Variants in CREB5 observed in about 807,000 individuals in gnomAD.
The protein encoded by CREB5 is cAMP responsive element binding protein 5, also known as cyclic AMP-responsive element-binding protein 5.
Under a neutral mutation model 57.1 loss-of-function variants are expected in CREB5, and 19 were observed. The observed-to-expected ratio is 0.33, with a 90% CI of 0.23 to 0.49. The LOEUF is 0.49. CREB5 is among the 20% of genes least tolerant of loss of function. CREB5 has a pLI of 0.99. For missense variants in CREB5, 579 were observed against 671.6 expected, an observed-to-expected ratio of 0.86 and a Z score of 1.52; for synonymous variants, 238 against 238.3, an observed-to-expected ratio of 1.00 and a Z score of 0.01.
chr7:28,769,105 G>A (rs1806172188), intron 7 of CREB5, among the ~76,000 whole-genome samples: 1 of 152,248 alleles, frequency 6.6e-6, no homozygotes, highest in African/African-American at 2.4e-5. Flanking sequence ...CAGGCAAAGA[G>A]TTGGGAAGAT....
At chr7:28,392,557 T>C (rs867104295) in intron 1 of CREB5, among the ~76,000 whole-genome samples, 1 of 152,238 alleles carries the variant, frequency 6.6e-6, no homozygotes, top group African/African-American at 2.4e-5. Context: ...TTACATGTTA[T>C]GGGTTTTGCA....
Position 28,815,981 on chromosome 7 carries a change from C to T in CREB5, c.1255-2090C>T, listed in dbSNP as rs1412509358. Among the ~76,000 whole-genome samples the T allele has an allele frequency of 1.5e-4, 22 of 151,684 alleles. 1 individual carries two copies. Among genetic ancestry groups the T allele is most frequent in the Non-Finnish European group, 1.2e-4 (8 of 67,952 alleles). The stretch of plus-strand genomic sequence containing the variant: ...CAGGGGGCAAGGTGTCTAGCAGTTT[C>T]GATTTCAGAAAAGTGTTATTTCTGT... On this transcript the variant is annotated intron_variant, in intron 9 of 10. Coordinates refer to ENST00000357727, the MANE Select transcript of CREB5 (RefSeq NM_182898.4).
chr7:28,785,899 G>T (rs1360856863), intron 7 of CREB5, among the ~76,000 whole-genome samples: 2 of 152,132 alleles, frequency 1.3e-5, no homozygotes, highest in African/African-American at 4.8e-5. Flanking sequence ...ATTCCAATAA[G>T]GATCCTGTTT....
intron 1 of CREB5, among the ~76,000 whole-genome samples, chr7:28,385,012 C>T (rs1314563741): frequency 6.6e-6 from 1 of 151,978 alleles, no homozygotes; most frequent in Non-Finnish European, 1.5e-5. Context: ...AAAAAAAAAT[C>T]CAAGTATTAA....
intron 1 of CREB5, among the ~76,000 whole-genome samples, chr7:28,400,806 C>T (rs1209064877): frequency 6.6e-6 from 1 of 152,172 alleles, no homozygotes; most frequent in Non-Finnish European, 1.5e-5. Flanking sequence ...ATAACCTTCC[C>T]CATCGGCAGT....
At chr7:28,516,705 A>G (rs76468339) in intron 4 of CREB5, among the ~76,000 whole-genome samples, 3,882 of 152,342 alleles carry the variant, frequency 0.025, 114 homozygotes, top group African/African-American at 0.075. Context: ...TTTTCCCAGC[A>G]GGGAACTTTC....
At chr7:28,446,254 G>T (rs1259107537) in intron 1 of CREB5, among the ~76,000 whole-genome samples, 1 of 152,072 alleles carries the variant, frequency 6.6e-6, no homozygotes. Flanking sequence ...CCAGCTCCAG[G>T]AAGCTATACA....
chr7:28,544,145 T>C (rs1369425985), intron 4 of CREB5, among the ~76,000 whole-genome samples: 1 of 152,112 alleles, frequency 6.6e-6, no homozygotes, highest in African/African-American at 2.4e-5. Flanking sequence ...ATGCTTCTAA[T>C]GTAATGAAAG....
At chr7:28,642,969 C>CAT (rs201999268) in intron 5 of CREB5, among the ~76,000 whole-genome samples, 20,364 of 111,146 alleles carry the variant, frequency 0.18, 1,337 homozygotes, top group Middle Eastern at 0.25. Context: ...CACACACACA[C>CAT]ACACACACAC....
At chr7:28,714,597 A>G (rs1318751815) in intron 5 of CREB5, among the ~76,000 whole-genome samples, 4 of 152,222 alleles carry the variant, frequency 2.6e-5, no homozygotes, top group East Asian at 1.9e-4. Context: ...TTCGGGGGGA[A>G]AAATGAGGAC....
At chr7:28,804,548 C>G (rs1263921545) in intron 8 of CREB5, 26 bp downstream of exon 8, 2 of 1,608,086 alleles carry the variant, frequency 1.2e-6, no homozygotes. Flanking sequence ...GATCTCTTTC[C>G]CCTTCTTATT....
intron 1 of CREB5, among the ~76,000 whole-genome samples, chr7:28,353,471 G>A (rs917588873): frequency 1.3e-5 from 2 of 152,184 alleles, no homozygotes; most frequent in African/African-American, 4.8e-5. Context: ...TGAAGAACAA[G>A]GAAGACTAGC....
intron 1 of CREB5, among the ~76,000 whole-genome samples, chr7:28,375,768 G>A (rs890656124): frequency 2.6e-5 from 4 of 151,488 alleles, no homozygotes; most frequent in Non-Finnish European, 5.9e-5. Context: ...AAATATGGAG[G>A]CCTGGAATGT....
chr7:28,820,876 G>T lies in CREB5; in HGVS notation c.*1597G>T, dbSNP rs1809727010. 1 of 152,354 alleles carries T rather than the reference G, an allele frequency of 6.6e-6. No homozygotes were observed. The highest frequency in any genetic ancestry group is 1.5e-5 in the Non-Finnish European group (1 of 68,032). The allele number at this position is 152,354 out of a possible 1,614,324, so 9.4% of individuals were successfully genotyped here. A position where few individuals can be genotyped will look rare whatever the true frequency, so the allele number is the denominator to read the frequency against. ...TCCTCCCAAAGTGTTGGGATTATAG[G>T]TGTGAGCCACTGCACCCAGCCTACT... On this transcript the variant is annotated 3_prime_UTR_variant, in exon 11 of 11. Transcript: ENST00000357727.
intron 5 of CREB5, among the ~76,000 whole-genome samples, chr7:28,668,233 C>A (rs1799900872): frequency 6.6e-6 from 1 of 152,096 alleles, no homozygotes; most frequent in South Asian, 2.1e-4. Context: ...TTATTAAATT[C>A]TTTGCTAGCT....
chr7:28,662,121 C>T (rs1799633532), intron 5 of CREB5, among the ~76,000 whole-genome samples: 1 of 152,170 alleles, frequency 6.6e-6, no homozygotes. Flanking sequence ...CTCCAGAGAA[C>T]TTTGTAAAAT....
chr7:28,410,317 C>T (rs748509018), upstream of CREB5: 20 of 456,616 alleles, frequency 4.4e-5, no homozygotes, highest in East Asian at 1.2e-3. Flanking sequence ...TTCCCGGCCG[C>T]TGCCCCAAAT....
intron 5 of CREB5, among the ~76,000 whole-genome samples, chr7:28,608,271 A>G (rs1411167410): frequency 6.6e-6 from 1 of 151,718 alleles, no homozygotes; most frequent in African/African-American, 2.4e-5. Context: ...ATATTTTCCC[A>G]TGTTCTTTTC....
chr7:28,639,985 A>G (rs1044582925), intron 5 of CREB5, among the ~76,000 whole-genome samples: 2 of 152,192 alleles, frequency 1.3e-5, no homozygotes, highest in African/African-American at 2.4e-5. Flanking sequence ...TATGAGGAAT[A>G]TAATCCCACT....
Sources: allele counts gnomAD v4.1 joint callset (sites outside exome capture counted in the v4.1 genomes callset), GRCh38; gene constraint gnomAD v4.1.1; transcripts MANE v1.5; gene names NCBI Gene and HGNC (gene_info 2026-07-23, HGNC 2026-07-21).